CCL17: variants seen among roughly 807,000 people sequenced by gnomAD.
CCL17 encodes C-C motif chemokine ligand 17.
CCL17 carries 8 observed loss-of-function variants against 7.4 expected under a neutral mutation model. That is an observed-to-expected ratio of 1.09 (90% CI 0.64 to 1.96). The LOEUF (loss-of-function observed/expected upper bound fraction) is 1.96. Ranked by LOEUF, CCL17 falls within the 30% of genes most tolerant of loss-of-function variation. The pLI is 0.00. For synonymous variants in CCL17, 40 were observed against 46.1 expected (o/e 0.87, Z 0.54); for missense variants, 102 against 113.0 (o/e 0.90, Z 0.44).
upstream of CCL17, among the ~76,000 whole-genome samples, chr16:57,400,163 T>G (rs1425533997): frequency 6.6e-6 from 1 of 151,884 alleles, no homozygotes; most frequent in Non-Finnish European, 1.5e-5. Flanking sequence ...ATCGAGACCA[T>G]CCTGGCTAAC....
In CCL17 at chr16:57,414,122, A is replaced by G. The variant is rs567496450; in HGVS notation, c.70+120A>G. 1.6e-5 allele frequency: 10 copies of G among 640,836 alleles called. No homozygotes were observed. In the African/African-American group the frequency reaches 1.8e-4, roughly 12 times the overall value. The allele number at this position is 640,836 out of a possible 1,614,324, so 39.7% of individuals were successfully genotyped here. A position where few individuals can be genotyped will look rare whatever the true frequency, so the allele number is the denominator to read the frequency against. On this transcript the variant is annotated intron_variant, in intron 2 of 3. Transcript: ENST00000219244. ...ATTTACACCCCACCTACTCCCACAAAAGACGTGAGAAGCCCACAGCACTAG... is the reference window on the plus strand; with the variant it reads ...ATTTACACCCCACCTACTCCCACAAGAGACGTGAGAAGCCCACAGCACTAG...
Position 57,411,075 on chromosome 16 carries a change from A to T in CCL17, c.-59-2799A>T, listed in dbSNP as rs117240265. Among the ~76,000 whole-genome samples, 471 of 152,216 alleles carry T rather than the reference A, an allele frequency of 3.1e-3. 1 individual carries two copies. Among genetic ancestry groups the T allele is most frequent in the Admixed American group, 5.6e-3 (86 of 15,300 alleles). ...CCCCCTGTGCAATGTCCTTTCTTCC[A>T]ATCTCAGTATGAATCTTATCTACAA... On this transcript the variant is annotated intron_variant, in intron 1 of 3. Transcript: ENST00000219244.
At position 57,409,160 on chromosome 16, in the gene CCL17, G is replaced by T. The variant is rs181325802; in HGVS notation, c.-60+4324G>T. On this transcript the variant is annotated intron_variant, in intron 1 of 3. Coordinates refer to ENST00000219244, the MANE Select transcript of CCL17 (RefSeq NM_002987.3). ...CACAATACAATATGAAGACAGCCAA[G>T]ATGAGGGAAGTCAGTGAACTCTGGG... 1.3e-3 allele frequency among the ~76,000 whole-genome samples: 195 copies of T among 152,336 alleles called. 1 individual carries two copies. The highest frequency in any genetic ancestry group is 4.6e-3 in the African/African-American group (190 of 41,590).
At chr16:57,412,763 C>T (rs1237070929) in intron 1 of CCL17, among the ~76,000 whole-genome samples, 1 of 152,142 alleles carries the variant, frequency 6.6e-6, no homozygotes, top group African/African-American at 2.4e-5. Flanking sequence ...CCATGGGACT[C>T]TCATCCTACT....
chr16:57,413,424 G>A (rs1486603013), intron 1 of CCL17, among the ~76,000 whole-genome samples: 1 of 151,626 alleles, frequency 6.6e-6, no homozygotes, highest in Non-Finnish European at 1.5e-5. Context: ...CCCATGCCCG[G>A]CAGCCAGGGT....
rs1902854704 is a variant in CCL17, at chr16:57,415,481, A to G, written c.188+283A>G. Among the ~76,000 whole-genome samples, 1 of 152,188 alleles carries G rather than the reference A, an allele frequency of 6.6e-6. No homozygotes were observed. ...GGTCACCTCCCCCAGCCTGGGCCTGAGCCCTGCCCGCAGTCTCCACGTCCC... is the reference window on the plus strand; with the variant it reads ...GGTCACCTCCCCCAGCCTGGGCCTGGGCCCTGCCCGCAGTCTCCACGTCCC... On this transcript the variant is annotated intron_variant, in intron 3 of 3. Coordinates refer to ENST00000219244, the MANE Select transcript of CCL17 (RefSeq NM_002987.3). This position sits in a 1 kb window ranked among gnomAD's most constrained non-coding sequence, Gnocchi z 4.5.
At chr16:57,413,721 T>A in intron 1 of CCL17, 153 bp from the exon 2 acceptor site, 1 of 467,878 alleles carries the variant, frequency 2.1e-6, no homozygotes, top group Non-Finnish European at 3.9e-6. Context: ...TCTCTGGAAA[T>A]CCACAAACAT....
chr16:57,409,486 G>A (rs1375950751), intron 1 of CCL17, among the ~76,000 whole-genome samples: 1 of 152,218 alleles, frequency 6.6e-6, no homozygotes, highest in Non-Finnish European at 1.5e-5. Context: ...TTCAAGAGGG[G>A]AGAGCCTTGC....
At chr16:57,410,651 G>A (rs223898) in intron 1 of CCL17, among the ~76,000 whole-genome samples, 2 of 152,064 alleles carry the variant, frequency 1.3e-5, no homozygotes, top group Admixed American at 1.3e-4. Context: ...CTTCAGAATA[G>A]TTTGTCTGGA....
At chr16:57,403,598 AAT>A (rs1445280568), upstream of CCL17, among the ~76,000 whole-genome samples, 1 of 66,380 alleles carries the variant, frequency 1.5e-5, no homozygotes, top group African/African-American at 5.9e-5. Context: ...ATATATTTAT[AAT>A]ATATATAATA....
intron 1 of CCL17, among the ~76,000 whole-genome samples, chr16:57,407,976 T>C (rs566576301): frequency 6.6e-6 from 1 of 151,492 alleles, no homozygotes; most frequent in South Asian, 2.1e-4. Context: ...CATCCATCCA[T>C]CTATCCATCC....
chr16:57,413,851 C>A, intron 1 of CCL17, 23 bp from the exon 2 acceptor site: 1 of 1,280,924 alleles, frequency 7.8e-7, no homozygotes, highest in African/African-American at 1.5e-5. Flanking sequence ...AAATAGGTCA[C>A]TGCCACCCTC....
chr16:57,403,877 G>A (rs537926191), upstream of CCL17, among the ~76,000 whole-genome samples: 2 of 150,568 alleles, frequency 1.3e-5, no homozygotes, highest in South Asian at 2.1e-4. Flanking sequence ...GGCTGGTCTC[G>A]AACCCCTGAC....
chr16:57,415,367 A>G lies in CCL17; in HGVS notation c.188+169A>G, dbSNP rs1161166152. Among the ~76,000 whole-genome samples the G allele has an allele frequency of 6.6e-6, 1 of 152,238 alleles. No homozygotes were observed. Among genetic ancestry groups the G allele is most frequent in the Non-Finnish European group, 1.5e-5 (1 of 68,034 alleles). On this transcript the variant is annotated intron_variant, in intron 3 of 3. Transcript: ENST00000219244. This position sits in a 1 kb window ranked among gnomAD's most constrained non-coding sequence, Gnocchi z 4.5. The stretch of plus-strand genomic sequence containing the variant: ...GGACCCAAAAGGGCCGCAGGCCATG[A>G]GGTCCAACCTATTCCTTGATTTGTG...
the CCL17 span, among the ~76,000 whole-genome samples, chr16:57,398,007 C>A: frequency 6.6e-6 from 1 of 152,188 alleles, no homozygotes; most frequent in Non-Finnish European, 1.5e-5. Context: ...TGTTGGCAGT[C>A]ATGCTCAATT....
At chr16:57,401,391 G>A (rs1567560220), upstream of CCL17, among the ~76,000 whole-genome samples, 1 of 152,002 alleles carries the variant, frequency 6.6e-6, no homozygotes, top group Non-Finnish European at 1.5e-5. Flanking sequence ...GGGCATGGCA[G>A]TGCACCCCTA....
chr16:57,400,226 G>A (rs1355952662), upstream of CCL17, among the ~76,000 whole-genome samples: 2 of 152,138 alleles, frequency 1.3e-5, no homozygotes, highest in African/African-American at 4.8e-5. Context: ...GGGAGTAGTG[G>A]CGGGCGCCTG....
At chr16:57,412,282 G>A (rs563827074) in intron 1 of CCL17, among the ~76,000 whole-genome samples, 24 of 152,296 alleles carry the variant, frequency 1.6e-4, no homozygotes, top group African/African-American at 5.3e-4. Context: ...TCCCAGGTGC[G>A]GAAGCAGCCA....
chr16:57,397,460 A>G, the CCL17 span, among the ~76,000 whole-genome samples: 3 of 152,338 alleles, frequency 2.0e-5, no homozygotes, highest in Non-Finnish European at 2.9e-5. Context: ...GGGTTGTTCC[A>G]TACCAAGGGT....
Sources: allele counts gnomAD v4.1 joint callset (sites outside exome capture counted in the v4.1 genomes callset), GRCh38; gene constraint gnomAD v4.1.1; non-coding constraint Gnocchi (gnomAD v3.1); transcripts MANE v1.5; gene names NCBI Gene and HGNC (gene_info 2026-07-23, HGNC 2026-07-21).